Variants in CDH10 observed in about 807,000 individuals in gnomAD.
The protein encoded by CDH10 is cadherin-10.
Under a neutral mutation model 73.1 loss-of-function variants are expected in CDH10, and 30 were observed. That is an observed-to-expected ratio of 0.41 (90% CI 0.31 to 0.56). CDH10 has a LOEUF of 0.56. Ranked by LOEUF, CDH10 falls within the 20% of genes least tolerant of loss-of-function variation. The pLI, the probability that CDH10 is intolerant of heterozygous loss-of-function variation, is 0.27. For missense variants in CDH10, 815 were observed against 973.7 expected (o/e 0.84, Z 2.17); for synonymous variants, 345 against 348.2 (o/e 0.99, Z 0.10).
intron 5 of CDH10, 27 bp from the exon 6 acceptor site, chr5:24,511,541 G>GAGAA (rs2111768312): frequency 1.4e-6 from 1 of 719,676 alleles, no homozygotes; most frequent in Non-Finnish European, 2.2e-6. Context: ...AAAGAAGAGA[G>GAGAA]AGACAGAGAG....
At chr5:24,564,945 A>C (rs1276756966) in intron 2 of CDH10, among the ~76,000 whole-genome samples, 2 of 152,100 alleles carry the variant, frequency 1.3e-5, no homozygotes, top group Non-Finnish European at 2.9e-5. Flanking sequence ...TCCATTGAGT[A>C]TATGCCCACC....
At chr5:24,603,987 T>C (rs1197938156) in intron 1 of CDH10, among the ~76,000 whole-genome samples, 2 of 152,170 alleles carry the variant, frequency 1.3e-5, no homozygotes, top group East Asian at 1.9e-4. Context: ...TTGACAAGAA[T>C]ATACGATCAA....
At chr5:24,533,092 T>G (rs1477939248) in intron 5 of CDH10, among the ~76,000 whole-genome samples, 1 of 152,038 alleles carries the variant, frequency 6.6e-6, no homozygotes, top group African/African-American at 2.4e-5. Context: ...AAATTATGTT[T>G]CCATCTATAA....
At position 24,505,266 on chromosome 5, in the gene CDH10, GA is replaced by G; in HGVS notation, c.1257-19del. 6.2e-7 allele frequency: 1 copy of G among 1,605,552 alleles called. No individual in the cohort carries two copies. Among genetic ancestry groups the G allele is most frequent in the Non-Finnish European group, 8.5e-7 (1 of 1,173,854 alleles). On this transcript the variant is annotated intron_variant, in intron 7 of 11. Coordinates refer to ENST00000264463, the MANE Select transcript of CDH10 (RefSeq NM_006727.5). ...AGGAAAATCTGAACATGGAGGGCAAGAAAAAATACATGGCAGCATTATTAAT... is the reference window on the plus strand; with the variant it reads ...AGGAAAATCTGAACATGGAGGGCAAGAAAAATACATGGCAGCATTATTAAT...
chr5:24,495,644 C>A (rs991906365), intron 9 of CDH10, among the ~76,000 whole-genome samples: 34 of 151,944 alleles, frequency 2.2e-4, no homozygotes, highest in Non-Finnish European at 7.4e-5. Flanking sequence ...GTCAGGAAAT[C>A]GAGACCATCC....
intron 5 of CDH10, among the ~76,000 whole-genome samples, chr5:24,515,629 C>T (rs1403214386): frequency 6.6e-6 from 1 of 152,188 alleles, no homozygotes; most frequent in Non-Finnish European, 1.5e-5. Flanking sequence ...CCATTAAAGT[C>T]ATTCTTTTCT....
rs751298070 is a variant in CDH10 at position 24,487,992 on chromosome 5, C to CT, written c.2037dup (p.Ala680SerfsTer3). The CT allele has an allele frequency of 6.2e-7, 1 of 1,613,938 alleles. No individual in the cohort carries two copies. The highest frequency in any genetic ancestry group is 8.5e-7 in the Non-Finnish European group (1 of 1,179,948). ...CGCCGGAGCTTTTTTTCCTCAATGG[C>CT]TGCAGGATTCCTCAGGGTGCCGATA... On this transcript the variant is annotated frameshift_variant, in exon 12 of 12. Coordinates refer to ENST00000264463, the MANE Select transcript of CDH10 (RefSeq NM_006727.5). LOFTEE classifies it high-confidence loss of function.
intron 2 of CDH10, among the ~76,000 whole-genome samples, chr5:24,538,450 C>T (rs1249256013): frequency 1.3e-5 from 2 of 152,078 alleles, no homozygotes; most frequent in Non-Finnish European, 2.9e-5. Flanking sequence ...AACATAACCA[C>T]ACTGAAGCTT....
chr5:24,568,412 C>A (rs1052998910), intron 2 of CDH10, among the ~76,000 whole-genome samples: 2 of 152,054 alleles, frequency 1.3e-5, no homozygotes, highest in African/African-American at 4.8e-5. Flanking sequence ...TATCACCAGT[C>A]ATTAGGGAAA....
intron 1 of CDH10, among the ~76,000 whole-genome samples, chr5:24,615,822 T>C (rs1747106335): frequency 1.3e-5 from 2 of 152,184 alleles, no homozygotes; most frequent in African/African-American, 2.4e-5. Context: ...GCACAGCATA[T>C]ATTTTGGAAA....
chr5:24,531,574 G>A (rs1335811442), intron 5 of CDH10, among the ~76,000 whole-genome samples: 1 of 151,984 alleles, frequency 6.6e-6, no homozygotes, highest in Non-Finnish European at 1.5e-5. Context: ...CGTCTTACAT[G>A]GCAGCAGGAA....
rs1741897977 is a variant in CDH10, at chr5:24,487,854, T to TG, written c.2175dup (p.Thr726HisfsTer14). 6.2e-7 allele frequency: 1 copy of TG among 1,613,782 alleles called. No homozygotes were observed. The highest frequency in any genetic ancestry group is 1.3e-5 in the African/African-American group (1 of 74,890). On this transcript the variant is annotated frameshift_variant, in exon 12 of 12. Coordinates refer to ENST00000264463, the MANE Select transcript of CDH10 (RefSeq NM_006727.5). LOFTEE classifies it high-confidence loss of function. ...GCAAGTGAGTCGTAGGGGGGTGCGG[T>TG]GGGGTCAAGATCATGCTCTTTTAGC...
At chr5:24,547,651 C>G (rs1407342495) in intron 2 of CDH10, among the ~76,000 whole-genome samples, 2 of 152,066 alleles carry the variant, frequency 1.3e-5, no homozygotes, top group Admixed American at 1.3e-4. Flanking sequence ...AATATAATTA[C>G]CCACATTTCC....
Position 24,519,447 on chromosome 5 carries a change from GAGA to G in CDH10, c.815-7936_815-7934del, listed in dbSNP as rs1415156203. Among the ~76,000 whole-genome samples the G allele has an allele frequency of 2.6e-5, 4 of 152,190 alleles. No individual in the cohort carries two copies. The Middle Eastern group carries it at 0.01, about 388-fold the overall frequency. On this transcript the variant is annotated intron_variant, in intron 5 of 11. Coordinates refer to ENST00000264463, the MANE Select transcript of CDH10 (RefSeq NM_006727.5). ...GAAAGTTAATCATTTTACAAATAAA[GAGA>G]AGAAGATAGTTTCAGCACACATACT...
At position 24,492,859 on chromosome 5, in the gene CDH10, A is replaced by T. The variant is rs1360599596; in HGVS notation, c.1582T>A (p.Leu528Ile). ...GTGAAGTTTGGATTGACAGCAGCTA[A>T]ACTGAAAAAAAATTTCTGTCCACCT... ...PLGGQKFFFS[L>I]AAVNPNFTVQ... is the part of the protein sequence containing the mutation. The change falls in exon 10 of 12, where the codon TTA (leucine) becomes ATA (isoleucine). Residue 528 changes from leucine (L) to isoleucine (I), a missense_variant. Leu to Ile is a conservative substitution (Grantham distance 5, BLOSUM62 2). Transcript: ENST00000264463. 6.3e-7 allele frequency: 1 copy of T among 1,583,560 alleles called. No individual in the cohort carries two copies. The highest frequency in any genetic ancestry group is 8.7e-7 in the Non-Finnish European group (1 of 1,152,566).
chr5:24,603,502 T>C (rs1039150507), intron 1 of CDH10, among the ~76,000 whole-genome samples: 1 of 152,240 alleles, frequency 6.6e-6, no homozygotes, highest in African/African-American at 2.4e-5. Flanking sequence ...TTCACCTTAG[T>C]ATAATGTTGG....
chr5:24,627,843 G>A (rs1270868873), intron 1 of CDH10, among the ~76,000 whole-genome samples: 2 of 151,958 alleles, frequency 1.3e-5, no homozygotes, highest in Non-Finnish European at 2.9e-5. Context: ...TATACGAACA[G>A]TATGTACTGC....
intron 1 of CDH10, among the ~76,000 whole-genome samples, chr5:24,617,279 T>C (rs1211104634): frequency 6.6e-6 from 1 of 152,096 alleles, no homozygotes; most frequent in Non-Finnish European, 1.5e-5. Context: ...TGTCTCCAGA[T>C]ACTGCCAAAT....
At chr5:24,521,600 G>A (rs775831399) in intron 5 of CDH10, among the ~76,000 whole-genome samples, 7 of 151,128 alleles carry the variant, frequency 4.6e-5, no homozygotes, top group Admixed American at 6.6e-5. Flanking sequence ...CAACAAGAGT[G>A]AAACTCTGTC....
Sources: allele counts gnomAD v4.1 joint callset (sites outside exome capture counted in the v4.1 genomes callset), GRCh38; gene constraint gnomAD v4.1.1; transcripts MANE v1.5; gene names NCBI Gene and HGNC (gene_info 2026-07-23, HGNC 2026-07-21).